The following PBX1 variants were observed in gnomAD, a reference collection of about 807,000 sequenced individuals.
PBX1 encodes the protein PBX homeobox 1.
A neutral mutation model predicts 53.4 loss-of-function variants in PBX1; 6 were observed. The ratio of observed to expected loss-of-function variants is 0.11; its 90% CI spans 0.06 to 0.22. PBX1 has a LOEUF of 0.22. Among genes scored for constraint, PBX1 ranks in the 10% least tolerant of loss-of-function variants. The pLI is 1.00. For synonymous variants in PBX1, 204 were observed against 212.3 expected (o/e 0.96, Z 0.34); for missense variants, 251 against 551.4 (o/e 0.46, Z 5.46).
At chr1:164,728,637 A>C (rs1160572775) in intron 2 of PBX1, among the ~76,000 whole-genome samples, 5 of 152,212 alleles carry the variant, frequency 3.3e-5, no homozygotes, top group African/African-American at 1.2e-4. Context: ...TATGGGCATT[A>C]ATGTTAACTA....
chr1:164,632,379 A>G (rs911098092), intron 2 of PBX1, among the ~76,000 whole-genome samples: 3 of 152,066 alleles, frequency 2.0e-5, no homozygotes, highest in African/African-American at 7.2e-5. Context: ...AGTCGCAGAT[A>G]TTTTGATTTC....
chr1:164,870,218 T>C (rs12118821), intron 2 of PBX1, among the ~76,000 whole-genome samples: 16,694 of 55,824 alleles, frequency 0.3, 4,643 homozygotes, highest in Non-Finnish European at 0.37. Flanking sequence ...CTTTTCTTTC[T>C]TTCCTTCCTT....
At chr1:164,767,817 A>T (rs550594871) in intron 2 of PBX1, among the ~76,000 whole-genome samples, 1 of 152,342 alleles carries the variant, frequency 6.6e-6, no homozygotes, top group South Asian at 2.1e-4. Flanking sequence ...ATGGGATAGA[A>T]ATTTACACAA....
chr1:164,749,778 A>G (rs1399129918), intron 2 of PBX1, among the ~76,000 whole-genome samples: 1 of 152,184 alleles, frequency 6.6e-6, no homozygotes. Flanking sequence ...TGGACCAAGC[A>G]GGCCCGTATA....
intron 2 of PBX1, among the ~76,000 whole-genome samples, chr1:164,882,926 C>G (rs1217522086): frequency 1.3e-5 from 2 of 152,162 alleles, no homozygotes; most frequent in African/African-American, 4.8e-5. Context: ...CATCTGCAGA[C>G]AAGAACGTTA....
At chr1:164,863,789 G>A (rs1481116571) in intron 2 of PBX1, among the ~76,000 whole-genome samples, 1 of 152,156 alleles carries the variant, frequency 6.6e-6, no homozygotes, top group Non-Finnish European at 1.5e-5. Context: ...AGCAAGGAAT[G>A]GTCCCCAAGG....
At chr1:164,769,366 A>T (rs1667246695) in intron 2 of PBX1, 2 of 152,190 alleles carry the variant, frequency 1.3e-5, no homozygotes, top group Admixed American at 1.3e-4. Flanking sequence ...CCTGCAGGGT[A>T]AAGTGTGACA....
At chr1:164,692,217 G>C (rs1037397424) in intron 2 of PBX1, among the ~76,000 whole-genome samples, 15 of 152,184 alleles carry the variant, frequency 9.9e-5, no homozygotes, top group Non-Finnish European at 1.8e-4. Context: ...GCAGGCAGAA[G>C]TGGCCATAGG....
intron 2 of PBX1, among the ~76,000 whole-genome samples, chr1:164,643,184 T>A (rs1037813075): frequency 6.6e-6 from 1 of 152,168 alleles, no homozygotes; most frequent in Non-Finnish European, 1.5e-5. Context: ...TGCTGAAATA[T>A]GCTAATGAAG....
intron 2 of PBX1, among the ~76,000 whole-genome samples, chr1:164,741,317 A>G (rs1012048782): frequency 3.3e-5 from 5 of 152,192 alleles, no homozygotes; most frequent in South Asian, 2.1e-4. Context: ...TTCCTTTTTC[A>G]TATGATTCAC....
intron 2 of PBX1, among the ~76,000 whole-genome samples, chr1:164,588,817 C>T (rs1381499205): frequency 6.6e-6 from 1 of 152,128 alleles, no homozygotes; most frequent in Non-Finnish European, 1.5e-5. Flanking sequence ...TTAAGCTCAG[C>T]CCCCTTTATC....
chr1:164,842,103 G>T (rs1042657601), intron 8 of PBX1, among the ~76,000 whole-genome samples: 1 of 152,182 alleles, frequency 6.6e-6, no homozygotes, highest in Non-Finnish European at 1.5e-5. Flanking sequence ...AGGAGATGGG[G>T]CAGGTGCTTC....
intron 2 of PBX1, among the ~76,000 whole-genome samples, chr1:164,681,002 G>A (rs1263443314): frequency 6.6e-6 from 1 of 152,142 alleles, no homozygotes; most frequent in Non-Finnish European, 1.5e-5. Context: ...GGTGGCTCAT[G>A]CCTGTAATCC....
At chr1:164,675,980 G>T (rs1405584446) in intron 2 of PBX1, among the ~76,000 whole-genome samples, 1 of 152,152 alleles carries the variant, frequency 6.6e-6, no homozygotes, top group Non-Finnish European at 1.5e-5. Context: ...ATCATGCCTT[G>T]CTGTTAGGGC....
intron 2 of PBX1, among the ~76,000 whole-genome samples, chr1:164,879,553 G>C (rs2486260): frequency 0.85 from 128,757 of 152,160 alleles, 55,753 homozygotes; most frequent in Middle Eastern, 0.93. Flanking sequence ...AGTTGTGTTT[G>C]AAGATAACTG....
intron 8 of PBX1, among the ~76,000 whole-genome samples, chr1:164,827,320 C>T (rs77359184): frequency 0.012 from 1,852 of 152,104 alleles, 26 homozygotes; most frequent in African/African-American, 0.043. Context: ...TCTATTTTAC[C>T]AGCTGAATTT....
chr1:164,781,529 C>T (rs957676828), intron 2 of PBX1, among the ~76,000 whole-genome samples: 3 of 152,162 alleles, frequency 2.0e-5, no homozygotes, highest in Admixed American at 1.3e-4. Flanking sequence ...TTTAGTCCAC[C>T]TTAGAATTCC....
chr1:164,587,465 G>T (rs1655027302), intron 2 of PBX1, among the ~76,000 whole-genome samples: 1 of 151,968 alleles, frequency 6.6e-6, no homozygotes, highest in Non-Finnish European at 1.5e-5. Context: ...CGGGTGAGGA[G>T]CCCTTTTTGT....
intron 5 of PBX1, among the ~76,000 whole-genome samples, chr1:164,811,259 T>C (rs1416585497): frequency 6.6e-6 from 1 of 152,178 alleles, no homozygotes; most frequent in African/African-American, 2.4e-5. Context: ...AGGTACCAGA[T>C]CAAGCCAAGA....
Sources: gnomAD v4.1 joint callset for allele counts (sites outside exome capture counted in the v4.1 genomes callset) on GRCh38, gnomAD v4.1.1 for gene constraint, MANE v1.5 for transcripts, NCBI Gene and HGNC (gene_info 2026-07-23, HGNC 2026-07-21) for gene names.